SAP30BP: variants seen among roughly 807,000 people sequenced by gnomAD.
SAP30BP encodes the protein SAP30 binding protein.
SAP30BP carries 31 observed loss-of-function variants against 46.3 expected under a neutral mutation model. The observed-to-expected ratio is 0.67, with a 90% CI of 0.50 to 0.90. SAP30BP has a LOEUF of 0.90. Among genes scored for constraint, SAP30BP ranks in the 40% least tolerant of loss-of-function variants. SAP30BP has a pLI of 0.00. For synonymous variants in SAP30BP, 169 were observed against 144.2 expected, an observed-to-expected ratio of 1.17 and a Z score of -1.23; for missense variants, 312 against 391.0, an observed-to-expected ratio of 0.80 and a Z score of 1.70.
intron 5 of SAP30BP, among the ~76,000 whole-genome samples, chr17:75,702,078 A>G (rs977775893): frequency 1.3e-5 from 2 of 152,162 alleles, no homozygotes; most frequent in African/African-American, 4.8e-5. Context: ...GCTGGAGTGC[A>G]GTGGCATGAT....
chr17:75,703,688 A>T (rs1485837282), intron 7 of SAP30BP, 120 bp from the exon 8 acceptor site: 2 of 892,384 alleles, frequency 2.2e-6, no homozygotes, highest in African/African-American at 3.3e-5. Context: ...AAGACCAAAG[A>T]TGACAGCCGA....
intron 9 of SAP30BP, 138 bp downstream of exon 9, chr17:75,704,952 C>G (rs761424644): frequency 1.3e-5 from 9 of 717,352 alleles, no homozygotes; most frequent in Non-Finnish European, 1.8e-5. Flanking sequence ...AGCCTCTCAG[C>G]AGGGCCTGTG....
In SAP30BP at chr17:75,678,581, TTCAGTAGCATTGGC is replaced by T. The variant is rs1451197004; in HGVS notation, c.264+6720_264+6733del. On this transcript the variant is annotated intron_variant, in intron 3 of 10. Transcript: ENST00000584667. ...ACTCAGTATGTCTGGTGTGTGTTTG[TTCAGTAGCATTGGC>T]TGAACTGACCATCACTTCCAGTTCC... is the stretch of plus-strand genomic sequence containing the variant. Among the ~76,000 whole-genome samples, 10 of 152,294 alleles carry T rather than the reference TTCAGTAGCATTGGC, an allele frequency of 6.6e-5. No individual in the cohort carries two copies. In the East Asian group the frequency reaches 1.9e-3, roughly 29 times the overall value.
chr17:75,706,004 C>A lies in SAP30BP; in HGVS notation c.661-4C>A, dbSNP rs1419949100. 6.2e-7 allele frequency: 1 copy of A among 1,613,082 alleles called. No individual in the cohort carries two copies. Among genetic ancestry groups the A allele is most frequent in the South Asian group, 1.1e-5 (1 of 91,068 alleles). ...GTCTTATTCTCTTCCCTCTCCCTCTCCAGATTGAGTTTGTGACGGGCACCA... is the reference window on the plus strand; with the variant it reads ...GTCTTATTCTCTTCCCTCTCCCTCTACAGATTGAGTTTGTGACGGGCACCA... On this transcript the variant is annotated splice_region_variant and splice_polypyrimidine_tract_variant and intron_variant, in intron 9 of 10. Transcript: ENST00000584667. The surrounding 1 kb of genome is among the most constrained non-coding windows in gnomAD (Gnocchi z 4.6).
chr17:75,704,940 T>TGA, intron 9 of SAP30BP, 126 bp downstream of exon 9: 1 of 757,376 alleles, frequency 1.3e-6, no homozygotes, highest in South Asian at 1.5e-5. Context: ...GGCGATGCTC[T>TGA]GAGCCTCTCA....
chr17:75,704,611 G>A, intron 8 of SAP30BP, 145 bp from the exon 9 acceptor site: 1 of 694,282 alleles, frequency 1.4e-6, no homozygotes, highest in Non-Finnish European at 2.6e-6. Flanking sequence ...CCGACCAAGG[G>A]CTGGCTTCAT....
At chr17:75,690,704 G>T in intron 3 of SAP30BP, 1 of 456,696 alleles carries the variant, frequency 2.2e-6, no homozygotes, top group Non-Finnish European at 4.4e-6. Flanking sequence ...GGCACCCAGG[G>T]CTCAGCAAGC....
At position 75,691,102 on chromosome 17, in the gene SAP30BP, G is replaced by A. The variant is rs139573583; in HGVS notation, c.265-2338G>A. On this transcript the variant is annotated intron_variant, in intron 3 of 10. Coordinates refer to ENST00000584667, the MANE Select transcript of SAP30BP (RefSeq NM_013260.8). ...TCATGGAGCTGGATTCTGCTGCTGG[G>A]AAGCTGGGTGGGCCTTGTTTGTGGG... Among the ~76,000 whole-genome samples the A allele has an allele frequency of 3.5e-3, 537 of 152,286 alleles. 4 individuals are homozygous for A. The highest frequency in any genetic ancestry group is 0.012 in the African/African-American group (501 of 41,546).
intron 3 of SAP30BP, among the ~76,000 whole-genome samples, chr17:75,677,204 C>A (rs2060004122): frequency 7.0e-6 from 1 of 142,926 alleles, no homozygotes; most frequent in African/African-American, 2.6e-5. Context: ...CTTCCAGGTT[C>A]AAGTAATTCT....
chr17:75,678,511 G>C (rs1186744061), intron 3 of SAP30BP, among the ~76,000 whole-genome samples: 1 of 151,068 alleles, frequency 6.6e-6, no homozygotes, highest in African/African-American at 2.4e-5. Context: ...GGTGAGTTCT[G>C]GCCATGGATT....
rs137935689 is a variant in SAP30BP at position 75,678,555 on chromosome 17, G to A, written c.264+6692G>A. ...CAGATCCAGAGGGCCGGCTGTACTCGACTCAGTATGTCTGGTGTGTGTTTG... is the reference window on the plus strand; with the variant it reads ...CAGATCCAGAGGGCCGGCTGTACTCAACTCAGTATGTCTGGTGTGTGTTTG... On this transcript the variant is annotated intron_variant, in intron 3 of 10. Coordinates refer to ENST00000584667, the MANE Select transcript of SAP30BP (RefSeq NM_013260.8). Among the ~76,000 whole-genome samples, 1,214 of 152,036 alleles carry A rather than the reference G, an allele frequency of 8.0e-3. 4 individuals are homozygous for A. Among genetic ancestry groups the A allele is most frequent in the Non-Finnish European group, 0.013 (887 of 67,988 alleles).
intron 3 of SAP30BP, among the ~76,000 whole-genome samples, chr17:75,688,672 G>A (rs533938155): frequency 6.6e-6 from 1 of 152,222 alleles, no homozygotes; most frequent in Admixed American, 6.5e-5. Flanking sequence ...CTCAGGACTT[G>A]GTACTTCTCT....
intron 2 of SAP30BP, among the ~76,000 whole-genome samples, chr17:75,671,306 G>T (rs1192417200): frequency 6.6e-6 from 1 of 152,192 alleles, no homozygotes; most frequent in East Asian, 1.9e-4. Context: ...GCAAATGCCG[G>T]TTGAGGTGCT....
In SAP30BP at chr17:75,706,230, G is replaced by C. The variant is rs1255753850; in HGVS notation, c.746-110G>C. On this transcript the variant is annotated intron_variant, in intron 10 of 10. Coordinates refer to ENST00000584667, the MANE Select transcript of SAP30BP (RefSeq NM_013260.8). This position sits in a 1 kb window ranked among gnomAD's most constrained non-coding sequence, Gnocchi z 4.6. ...TTGAGAAGCACCTTTGGAGTCTGGG[G>C]TGGGCCACTTCGGGGTCTGCTCCCT... 6.4e-7 allele frequency: 1 copy of C among 1,552,454 alleles called. No individual in the cohort carries two copies. Among genetic ancestry groups the C allele is most frequent in the African/African-American group, 1.4e-5 (1 of 74,000 alleles).
intron 9 of SAP30BP, chr17:75,705,179 G>A (rs1471445605): frequency 8.9e-5 from 25 of 280,320 alleles, no homozygotes; most frequent in South Asian, 5.6e-4. Flanking sequence ...TGAGTGTCTT[G>A]GCCTCCAGAG....
intron 9 of SAP30BP, chr17:75,705,076 C>T (rs570641521): frequency 2.6e-5 from 12 of 460,242 alleles, no homozygotes; most frequent in African/African-American, 2.2e-4. Context: ...CCTTGGGGGG[C>T]TTTGTCCGTT....
intron 4 of SAP30BP, among the ~76,000 whole-genome samples, chr17:75,694,313 T>C (rs1488602824): frequency 3.9e-5 from 6 of 152,086 alleles, no homozygotes; most frequent in Admixed American, 2.0e-4. Flanking sequence ...AGTAGGGCCT[T>C]TCTGCTGGGA....
rs980552943 is a variant in SAP30BP at position 75,706,236 on chromosome 17, C to T, written c.746-104C>T. The stretch of plus-strand genomic sequence containing the variant: ...AGCACCTTTGGAGTCTGGGGTGGGC[C>T]ACTTCGGGGTCTGCTCCCTAGACTC... On this transcript the variant is annotated intron_variant, in intron 10 of 10. Transcript: ENST00000584667. This position sits in a 1 kb window ranked among gnomAD's most constrained non-coding sequence, Gnocchi z 4.6. 5.2e-5 allele frequency: 80 copies of T among 1,547,246 alleles called. No homozygotes were observed. Among genetic ancestry groups the T allele is most frequent in the Middle Eastern group, 3.4e-4 (2 of 5,892 alleles).
chr17:75,694,407 G>T (rs1003551530), intron 4 of SAP30BP, among the ~76,000 whole-genome samples: 2 of 152,236 alleles, frequency 1.3e-5, no homozygotes, highest in Non-Finnish European at 2.9e-5. Context: ...AAGAAGGATT[G>T]GGTGGGAACA....
Sources: gnomAD v4.1 joint callset for allele counts (sites outside exome capture counted in the v4.1 genomes callset) on GRCh38, gnomAD v4.1.1 for gene constraint, Gnocchi (gnomAD v3.1) non-coding constraint, MANE v1.5 for transcripts, NCBI Gene and HGNC (gene_info 2026-07-23, HGNC 2026-07-21) for gene names.